Variants in SGPP1 observed in about 807,000 individuals in gnomAD.
SGPP1 encodes sphingosine-1-phosphate phosphatase 1, also known as hSPP1.
SGPP1 carries 21 observed loss-of-function variants against 33.0 expected under a neutral mutation model. That is an observed-to-expected ratio of 0.64 (90% CI 0.45 to 0.92). SGPP1 has a LOEUF of 0.92. SGPP1 is among the 40% of genes least tolerant of loss of function. The pLI, the probability that SGPP1 is intolerant of heterozygous loss-of-function variation, is 0.00. For missense variants in SGPP1, 543 were observed against 589.4 expected, an observed-to-expected ratio of 0.92 and a Z score of 0.81; for synonymous variants, 239 against 241.2, an observed-to-expected ratio of 0.99 and a Z score of 0.08.
chr14:63,713,328 T>C (rs973295481), intron 1 of SGPP1, among the ~76,000 whole-genome samples: 21 of 152,244 alleles, frequency 1.4e-4, no homozygotes, highest in Admixed American at 9.8e-4. Flanking sequence ...TCCTTCTTAC[T>C]GATATATCCA....
chr14:63,702,946 T>C (rs966265658), intron 1 of SGPP1, among the ~76,000 whole-genome samples: 8 of 152,094 alleles, frequency 5.3e-5, no homozygotes, highest in African/African-American at 1.7e-4. Flanking sequence ...AACTTTATCA[T>C]AGATACATAT....
chr14:63,706,363 G>A (rs541850800), intron 1 of SGPP1, among the ~76,000 whole-genome samples: 3 of 152,230 alleles, frequency 2.0e-5, no homozygotes, highest in South Asian at 2.1e-4. Context: ...AACAACGGTT[G>A]TACGACATTG....
At chr14:63,689,508 T>C (rs754032916) in intron 2 of SGPP1, among the ~76,000 whole-genome samples, 2 of 152,018 alleles carry the variant, frequency 1.3e-5, no homozygotes, top group Non-Finnish European at 2.9e-5. Context: ...AAATATTATC[T>C]AGTTTGGCCC....
intron 2 of SGPP1, among the ~76,000 whole-genome samples, chr14:63,688,753 G>A (rs1450342688): frequency 2.2e-5 from 3 of 137,908 alleles, no homozygotes; most frequent in East Asian, 2.0e-4. Flanking sequence ...ATGGAGTCTC[G>A]CTCTGTTGCC....
chr14:63,690,704 A>G (rs1377990187), intron 2 of SGPP1, among the ~76,000 whole-genome samples: 2 of 152,148 alleles, frequency 1.3e-5, no homozygotes, highest in African/African-American at 4.8e-5. Flanking sequence ...AGATATAAGA[A>G]AATATTTTAT....
intron 2 of SGPP1, among the ~76,000 whole-genome samples, chr14:63,694,279 A>G (rs1885145253): frequency 6.6e-6 from 1 of 151,994 alleles, no homozygotes; most frequent in Non-Finnish European, 1.5e-5. Flanking sequence ...GTCTCAGAAA[A>G]GAAAAGAAAA....
At chr14:63,725,921 G>A (rs140185479) in intron 1 of SGPP1, among the ~76,000 whole-genome samples, 1 of 152,186 alleles carries the variant, frequency 6.6e-6, no homozygotes, top group South Asian at 2.1e-4. Context: ...CTTAAATTCT[G>A]AAATATTTAG....
intron 2 of SGPP1, 21 bp from the exon 3 acceptor site, chr14:63,686,677 C>A: frequency 6.6e-7 from 1 of 1,524,976 alleles, no homozygotes; most frequent in Non-Finnish European, 9.0e-7. Context: ...ATAAAAGTAT[C>A]GTTGTTTAGT....
intron 1 of SGPP1, among the ~76,000 whole-genome samples, chr14:63,699,473 T>C (rs896317171): frequency 3.3e-5 from 5 of 152,120 alleles, no homozygotes; most frequent in Admixed American, 2.6e-4. Flanking sequence ...GTTAGGGAAG[T>C]TGGGTTGAAA....
intron 2 of SGPP1, among the ~76,000 whole-genome samples, chr14:63,694,909 T>C (rs969571606): frequency 2.6e-5 from 4 of 152,192 alleles, no homozygotes; most frequent in African/African-American, 9.6e-5. Context: ...TGATATTAAA[T>C]ACCATACATT....
chr14:63,724,271 A>G (rs1484064653), intron 1 of SGPP1, among the ~76,000 whole-genome samples: 4 of 152,116 alleles, frequency 2.6e-5, no homozygotes, highest in Admixed American at 6.6e-5. Flanking sequence ...GCAAATTTCA[A>G]TGAGGGCAGA....
chr14:63,720,932 A>G lies in SGPP1; in HGVS notation c.684+6329T>C, dbSNP rs150515758. On this transcript the variant is annotated intron_variant, in intron 1 of 2. Transcript: ENST00000247225. The stretch of plus-strand genomic sequence containing the variant: ...CTTTTCATGTTTCTTTTTTTGAGAC[A>G]GAGTCTTGTTCTGTCAGCAGGGTTC... Among the ~76,000 whole-genome samples, 662 of 152,270 alleles carry G rather than the reference A, an allele frequency of 4.3e-3. 7 individuals are homozygous for G. The highest frequency in any genetic ancestry group is 0.015 in the African/African-American group (609 of 41,564).
At position 63,728,010 on chromosome 14, in the gene SGPP1, G is replaced by A. The variant is rs760749753; in HGVS notation, c.-66C>T. The A allele has an allele frequency of 6.3e-6, 9 of 1,435,774 alleles. No individual in the cohort carries two copies. The highest frequency in any genetic ancestry group is 6.4e-6 in the Non-Finnish European group (7 of 1,099,136). 88.9% of individuals were successfully genotyped at this position (1,435,774 alleles called of 1,614,324 possible). A position where few individuals can be genotyped will look rare whatever the true frequency, so the allele number is the denominator to read the frequency against. On this transcript the variant is annotated 5_prime_UTR_variant, in exon 1 of 3. Transcript: ENST00000247225. ...AGCCCCGAACTGTCCCCGCGCTCCT[G>A]GCCAGCGGCAGCGGAACCGGCACAG...
Position 63,698,647 on chromosome 14 carries a change from T to C in SGPP1, c.696A>G (p.Ile232Met). 5.7e-6 allele frequency: 9 copies of C among 1,581,458 alleles called. No homozygotes were observed. The highest frequency in any genetic ancestry group is 1.2e-5 in the South Asian group (1 of 85,412). Residue 232 changes from isoleucine (I) to methionine (M), a missense_variant, in exon 2 of 3, where the codon ATA (isoleucine) becomes ATG (methionine). Transcript: ENST00000247225. ...LTYGRWQYPLIYGLILIPCWC... is the reference protein window; with the variant it reads ...LTYGRWQYPLMYGLILIPCWC... ...AGCAGGGAATAAGAATCAGTCCATA[T>C]ATAAGAGGGTACTAAAGGGGAAAAA...
At chr14:63,724,024 T>C (rs890587890) in intron 1 of SGPP1, among the ~76,000 whole-genome samples, 1 of 152,030 alleles carries the variant, frequency 6.6e-6, no homozygotes, top group Non-Finnish European at 1.5e-5. Context: ...ACTACAGGCA[T>C]GCGCCACCAT....
At chr14:63,702,765 T>C (rs141584817) in intron 1 of SGPP1, among the ~76,000 whole-genome samples, 111 of 152,224 alleles carry the variant, frequency 7.3e-4, no homozygotes, top group Non-Finnish European at 1.3e-3. Flanking sequence ...TCTGACTACA[T>C]GATGACTTTC....
At chr14:63,704,090 G>C (rs1194328330) in intron 1 of SGPP1, among the ~76,000 whole-genome samples, 5 of 152,042 alleles carry the variant, frequency 3.3e-5, no homozygotes, top group Non-Finnish European at 7.4e-5. Flanking sequence ...GCCTCCCAAA[G>C]CACTGGAATT....
intron 1 of SGPP1, among the ~76,000 whole-genome samples, chr14:63,704,793 TAAC>T (rs1185406949): frequency 6.6e-6 from 1 of 152,086 alleles, no homozygotes; most frequent in Admixed American, 6.6e-5. Context: ...AAAGCATGTG[TAAC>T]AAAAGAAAAA....
At chr14:63,695,347 C>T (rs145945336) in intron 2 of SGPP1, among the ~76,000 whole-genome samples, 2,964 of 152,318 alleles carry the variant, frequency 0.019, 87 homozygotes, top group African/African-American at 0.067. Flanking sequence ...TGAGCCACCA[C>T]GCCCAGCCTT....
Sources: allele counts gnomAD v4.1 joint callset (sites outside exome capture counted in the v4.1 genomes callset), GRCh38; gene constraint gnomAD v4.1.1; transcripts MANE v1.5; gene names NCBI Gene and HGNC (gene_info 2026-07-23, HGNC 2026-07-21).